The following NFIB variants were observed in gnomAD, a reference collection of about 807,000 sequenced individuals.
NFIB encodes the protein nuclear factor 1 B-type.
NFIB carries 11 observed loss-of-function variants against 61.5 expected under a neutral mutation model. The observed-to-expected ratio is 0.18, with a 90% CI of 0.11 to 0.30. The LOEUF (loss-of-function observed/expected upper bound fraction) is 0.30. NFIB is among the 10% of genes least tolerant of loss of function. The pLI is 1.00. For missense variants in NFIB, 471 were observed against 608.9 expected, an observed-to-expected ratio of 0.77 and a Z score of 2.38; for synonymous variants, 260 against 216.5, an observed-to-expected ratio of 1.20 and a Z score of -1.76.
the NFIB span, among the ~76,000 whole-genome samples, chr9:14,453,759 A>C: frequency 6.6e-6 from 1 of 152,214 alleles, no homozygotes; most frequent in Non-Finnish European, 1.5e-5. Flanking sequence ...CTTCTTTTGC[A>C]AACAGCAGTA....
intron 2 of NFIB, among the ~76,000 whole-genome samples, chr9:14,226,140 A>C (rs10810119): frequency 0.19 from 29,381 of 151,960 alleles, 3,403 homozygotes; most frequent in East Asian, 0.61. Flanking sequence ...TTTGTAACAC[A>C]GGCTGAAAAT....
rs368855702 is a variant in NFIB at position 14,134,108 on chromosome 9, A to C, written c.926-8342T>G. Among the ~76,000 whole-genome samples the C allele has an allele frequency of 3.5e-3, 533 of 152,332 alleles. 1 individual carries two copies. Among genetic ancestry groups the C allele is most frequent in the Non-Finnish European group, 6.0e-3 (406 of 68,024 alleles). Reference sequence around the variant, plus strand: ...AATTCAAATGATAAAAAAGAGGTGCATGGGTAAAGTCACAGGGCCATAAAG... The same window carrying C: ...AATTCAAATGATAAAAAAGAGGTGCCTGGGTAAAGTCACAGGGCCATAAAG... On this transcript the variant is annotated intron_variant, in intron 6 of 10. Transcript: ENST00000380953.
At chr9:14,404,452 C>T in the NFIB span, among the ~76,000 whole-genome samples, 1 of 152,274 alleles carries the variant, frequency 6.6e-6, no homozygotes, top group East Asian at 1.9e-4. Flanking sequence ...AGAATAAAGT[C>T]GGCCACCTCC....
At chr9:14,223,015 T>C (rs2051888559) in intron 2 of NFIB, among the ~76,000 whole-genome samples, 2 of 152,070 alleles carry the variant, frequency 1.3e-5, no homozygotes, top group African/African-American at 2.4e-5. Flanking sequence ...AGAAGAAGAA[T>C]TGTCTTGAGC....
At chr9:14,089,396 C>T (rs1369174182) in intron 10 of NFIB, among the ~76,000 whole-genome samples, 1 of 150,912 alleles carries the variant, frequency 6.6e-6, no homozygotes. Context: ...GAAAACAATT[C>T]TCTAATTGCT....
chr9:14,213,561 G>T (rs1000854145), intron 2 of NFIB, among the ~76,000 whole-genome samples: 1 of 152,200 alleles, frequency 6.6e-6, no homozygotes, highest in African/African-American at 2.4e-5. Flanking sequence ...GCTGCTGGTC[G>T]TGGGACCAAA....
intron 6 of NFIB, among the ~76,000 whole-genome samples, chr9:14,139,774 G>T (rs1317725421): frequency 3.9e-5 from 6 of 152,292 alleles, no homozygotes; most frequent in African/African-American, 9.6e-5. Context: ...GAATTCTGAT[G>T]AAAGCCTTCA....
chr9:14,260,889 G>C (rs1371686915), intron 2 of NFIB, among the ~76,000 whole-genome samples: 1 of 151,804 alleles, frequency 6.6e-6, no homozygotes. Context: ...GGTGGCAAAA[G>C]GTAGCCACAT....
At chr9:14,281,333 A>C (rs1267244154) in intron 2 of NFIB, among the ~76,000 whole-genome samples, 5 of 152,168 alleles carry the variant, frequency 3.3e-5, no homozygotes, top group African/African-American at 1.2e-4. Context: ...GTGAAAGGAG[A>C]ACTAGTACAT....
chr9:14,276,706 T>C (rs914170731), intron 2 of NFIB, among the ~76,000 whole-genome samples: 1 of 152,096 alleles, frequency 6.6e-6, no homozygotes, highest in Non-Finnish European at 1.5e-5. Context: ...ATACTACACA[T>C]AGAAGTATCT....
At chr9:14,511,784 C>T in the NFIB span, among the ~76,000 whole-genome samples, 5 of 152,194 alleles carry the variant, frequency 3.3e-5, no homozygotes, top group African/African-American at 7.2e-5. Context: ...CAAAGTCACA[C>T]TGTCTTAATG....
chr9:14,230,464 C>A (rs2052985978), intron 2 of NFIB, among the ~76,000 whole-genome samples: 1 of 152,178 alleles, frequency 6.6e-6, no homozygotes. Context: ...TCAAGGAAGA[C>A]TTCTTTGTTG....
chr9:14,212,081 G>A (rs965968848), intron 2 of NFIB, among the ~76,000 whole-genome samples: 1 of 152,112 alleles, frequency 6.6e-6, no homozygotes, highest in East Asian at 1.9e-4. Flanking sequence ...AAAGGTAACT[G>A]GACTTTCCTT....
chr9:14,129,079 A>G (rs1302546187), intron 6 of NFIB, among the ~76,000 whole-genome samples: 1 of 152,164 alleles, frequency 6.6e-6, no homozygotes, highest in Non-Finnish European at 1.5e-5. Flanking sequence ...AGGATTATAC[A>G]GACCAACACA....
At chr9:14,101,453 A>C (rs1300890724) in intron 10 of NFIB, among the ~76,000 whole-genome samples, 4 of 152,152 alleles carry the variant, frequency 2.6e-5, no homozygotes, top group African/African-American at 9.7e-5. Flanking sequence ...ACCAATATGG[A>C]GATAGGCAGA....
intron 6 of NFIB, among the ~76,000 whole-genome samples, chr9:14,133,053 G>T (rs1251649454): frequency 6.6e-6 from 1 of 152,166 alleles, no homozygotes; most frequent in East Asian, 1.9e-4. Context: ...ACTTAGCTTA[G>T]AGACAGTCCA....
At chr9:14,285,328 G>A (rs147747585) in intron 2 of NFIB, among the ~76,000 whole-genome samples, 3 of 152,078 alleles carry the variant, frequency 2.0e-5, no homozygotes, top group East Asian at 1.9e-4. Context: ...TCACCATGTC[G>A]GCCAGGCTGG....
chr9:14,132,152 A>G (rs1190076079), intron 6 of NFIB, among the ~76,000 whole-genome samples: 1 of 152,210 alleles, frequency 6.6e-6, no homozygotes, highest in African/African-American at 2.4e-5. Context: ...TCAGCAAACC[A>G]TATCACTAAA....
chr9:14,455,196 T>C, the NFIB span, among the ~76,000 whole-genome samples: 1,748 of 152,302 alleles, frequency 0.011, 11 homozygotes, highest in Non-Finnish European at 0.016. Context: ...ATTTAAGGCA[T>C]ATGCAGGTGC....
Sources: allele counts gnomAD v4.1 joint callset (sites outside exome capture counted in the v4.1 genomes callset), GRCh38; gene constraint gnomAD v4.1.1; transcripts MANE v1.5; gene names NCBI Gene and HGNC (gene_info 2026-07-23, HGNC 2026-07-21).